Variants in ETV1 observed in about 807,000 individuals in gnomAD.
The protein encoded by ETV1 is ETS translocation variant 1.
Under a neutral mutation model 62.3 loss-of-function variants are expected in ETV1, and 27 were observed. The ratio of observed to expected loss-of-function variants is 0.43; its 90% CI spans 0.32 to 0.60. The LOEUF (loss-of-function observed/expected upper bound fraction) is 0.60, where lower values mean the gene tolerates loss of function less well. Ranked by LOEUF, ETV1 falls within the 20% of genes least tolerant of loss-of-function variation. The probability of loss-of-function intolerance (pLI) is 0.06; values close to 1 mark genes in which losing one functional copy is unlikely to be tolerated. For missense variants in ETV1, 605 were observed against 605.8 expected (o/e 1.00, Z 0.01); for synonymous variants, 222 against 199.6 (o/e 1.11, Z -0.94).
intron 6 of ETV1, among the ~76,000 whole-genome samples, chr7:13,941,726 C>G (rs1787526283): frequency 6.6e-6 from 1 of 152,016 alleles, no homozygotes; most frequent in Admixed American, 6.6e-5. Context: ...CAAAAATTAG[C>G]CAGGCATGGT....
chr7:13,975,562 C>CAAAAAAA (rs765452116), intron 6 of ETV1, among the ~76,000 whole-genome samples: 1 of 41,128 alleles, frequency 2.4e-5, no homozygotes, highest in African/African-American at 8.8e-5. Flanking sequence ...GACTCTGTCT[C>CAAAAAAA]AAAAAAAAAA....
chr7:13,978,360 T>C (rs1781653762), intron 5 of ETV1, among the ~76,000 whole-genome samples: 1 of 151,080 alleles, frequency 6.6e-6, no homozygotes, highest in African/African-American at 2.4e-5. Flanking sequence ...AACTGAATAT[T>C]AGTAATAAGC....
At chr7:13,911,058 A>C (rs770806840) in intron 10 of ETV1, among the ~76,000 whole-genome samples, 181 bp downstream of exon 10, 1 of 152,240 alleles carries the variant, frequency 6.6e-6, no homozygotes, top group Non-Finnish European at 1.5e-5. Flanking sequence ...TCATGTTAAC[A>C]ACAAGATACC....
chr7:13,953,799 A>T (rs1299426112), intron 6 of ETV1, among the ~76,000 whole-genome samples: 12 of 152,194 alleles, frequency 7.9e-5, no homozygotes, highest in Admixed American at 7.9e-4. Flanking sequence ...GATCTCTAAC[A>T]AATAGTTTAG....
chr7:13,933,652 T>G (rs1786451929), intron 8 of ETV1, among the ~76,000 whole-genome samples: 2 of 152,144 alleles, frequency 1.3e-5, no homozygotes, highest in Non-Finnish European at 2.9e-5. Flanking sequence ...AGAGCAAATT[T>G]GCCATTTATA....
At position 13,931,576 on chromosome 7, in the gene ETV1, C is replaced by A. The variant is rs1296693133; in HGVS notation, c.728G>T (p.Gly243Val). 6.2e-7 allele frequency: 1 copy of A among 1,614,018 alleles called. No homozygotes were observed. Among genetic ancestry groups the A allele is most frequent in the East Asian group, 2.2e-5 (1 of 44,866 alleles). The change falls in exon 9 of 14, where the codon GGC becomes GTC. Residue 243 changes from glycine to valine, a missense_variant. By Grantham distance (109) the Gly-to-Val change is moderately radical (BLOSUM62 -3). Around this residue, in one of 3 missense-constraint regions of ETV1, gnomAD observed 426 missense variants for 377.8 expected, o/e 1.13. Coordinates refer to ENST00000430479, the MANE Select transcript of ETV1 (RefSeq NM_004956.5). ...DPVYEHNTMVGSAASQSFPPP... is the reference protein window; with the variant it reads ...DPVYEHNTMVVSAASQSFPPP... ...GGGAAAGCTTTGGCTGGCCGCACTG[C>A]CAACCATGGTGTTGTGTTCATACAC...
chr7:13,939,083 C>T (rs767394580), intron 7 of ETV1, 34 bp downstream of exon 7: 1 of 1,588,002 alleles, frequency 6.3e-7, no homozygotes, highest in Non-Finnish European at 8.5e-7. Flanking sequence ...CAATAAGAAC[C>T]ACTATCCTAC....
In ETV1 at chr7:13,914,696, T is replaced by C. The variant is rs1783959723; in HGVS notation, c.803-3389A>G. Among the ~76,000 whole-genome samples, 3 of 152,214 alleles carry C rather than the reference T, an allele frequency of 2.0e-5. No homozygotes were observed. In the East Asian group the frequency reaches 5.8e-4, roughly 29 times the overall value. On this transcript the variant is annotated intron_variant, in intron 9 of 13. Transcript: ENST00000430479. ...TCAAGCTATGCTGGGAAACATAATA[T>C]TGATTTGGGAAGCTTTACCAAAGGT... is the stretch of plus-strand genomic sequence containing the variant.
chr7:13,990,331 A>T (rs1031966548), upstream of ETV1: 1 of 152,274 alleles, frequency 6.6e-6, no homozygotes, highest in Non-Finnish European at 1.5e-5. Flanking sequence ...GGAGATGCAG[A>T]ATTGCTGATT....
chr7:13,934,883 C>G (rs1476436516), intron 8 of ETV1, among the ~76,000 whole-genome samples: 1 of 152,054 alleles, frequency 6.6e-6, no homozygotes, highest in East Asian at 1.9e-4. Flanking sequence ...TTGTTTTTCT[C>G]TCATGCAGGC....
At chr7:13,955,579 T>C (rs1789327375) in intron 6 of ETV1, among the ~76,000 whole-genome samples, 1 of 152,052 alleles carries the variant, frequency 6.6e-6, no homozygotes, top group Admixed American at 6.5e-5. Context: ...CAAGAAAGCC[T>C]TGGAGAGACT....
intron 7 of ETV1, among the ~76,000 whole-genome samples, chr7:13,938,904 T>C (rs943575451): frequency 8.5e-5 from 13 of 152,220 alleles, no homozygotes; most frequent in Admixed American, 3.9e-4. Flanking sequence ...AAGCAACTAA[T>C]GATCTGGATA....
intron 9 of ETV1, among the ~76,000 whole-genome samples, chr7:13,926,634 A>G (rs1785458118): frequency 6.6e-6 from 1 of 152,212 alleles, no homozygotes; most frequent in South Asian, 2.1e-4. Flanking sequence ...TGTTGGATTT[A>G]GACAAAAACA....
intron 9 of ETV1, among the ~76,000 whole-genome samples, chr7:13,925,924 T>C (rs1205780355): frequency 6.6e-6 from 1 of 152,066 alleles, no homozygotes; most frequent in East Asian, 1.9e-4. Flanking sequence ...ATTGTTAAAA[T>C]ATAAAATATT....
chr7:13,991,193 C>A (rs112466353), upstream of ETV1: 1 of 152,328 alleles, frequency 6.6e-6, no homozygotes, highest in African/African-American at 2.4e-5. Flanking sequence ...GCCTGGGCCC[C>A]GAGGCTGAAC....
At chr7:13,943,574 A>G (rs1787806199) in intron 6 of ETV1, among the ~76,000 whole-genome samples, 1 of 152,224 alleles carries the variant, frequency 6.6e-6, no homozygotes, top group African/African-American at 2.4e-5. Context: ...GAGAATGTTC[A>G]AAGAAGCTTT....
At chr7:13,946,344 G>T (rs959386663) in intron 6 of ETV1, among the ~76,000 whole-genome samples, 1 of 152,158 alleles carries the variant, frequency 6.6e-6, no homozygotes, top group Non-Finnish European at 1.5e-5. Context: ...ATGGAAGCTT[G>T]ACCTTTAAAA....
intron 5 of ETV1, among the ~76,000 whole-genome samples, chr7:13,981,059 C>A (rs1376385098): frequency 6.6e-6 from 1 of 151,696 alleles, no homozygotes; most frequent in East Asian, 1.9e-4. Flanking sequence ...AAGCGAAAAC[C>A]CTCCTATTCT....
chr7:13,971,393 G>A (rs1169573799), intron 6 of ETV1, among the ~76,000 whole-genome samples: 3 of 152,200 alleles, frequency 2.0e-5, no homozygotes, highest in African/African-American at 4.8e-5. Context: ...CCCCACACAA[G>A]GGTCTGTCTG....
Sources: allele counts gnomAD v4.1 joint callset (sites outside exome capture counted in the v4.1 genomes callset), GRCh38; gene constraint gnomAD v4.1.1; regional missense constraint gnomAD v4.1.1; transcripts MANE v1.5; gene names NCBI Gene and HGNC (gene_info 2026-07-23, HGNC 2026-07-21).